MCC: variants seen among roughly 807,000 people sequenced by gnomAD.
MCC encodes the protein MCC regulator of Wnt signaling pathway.
In MCC, 90 loss-of-function variants were observed where a neutral mutation model predicts 116.2. The observed-to-expected ratio is 0.77, with a 90% CI of 0.65 to 0.92. The LOEUF is 0.92. MCC is among the 40% of genes least tolerant of loss of function. The pLI, the probability that MCC is intolerant of heterozygous loss-of-function variation, is 0.00. For missense variants in MCC, 1,516 were observed against 1,312.2 expected, an observed-to-expected ratio of 1.16 and a Z score of -2.40; for synonymous variants, 578 against 510.5, an observed-to-expected ratio of 1.13 and a Z score of -1.78.
intron 1 of MCC, among the ~76,000 whole-genome samples, chr5:113,468,981 T>C (rs1771998075): frequency 6.6e-6 from 1 of 152,324 alleles, no homozygotes; most frequent in East Asian, 1.9e-4. Flanking sequence ...GAGGTGTTTA[T>C]AGTACTCTCT....
intron 1 of MCC, among the ~76,000 whole-genome samples, chr5:113,396,330 A>C (rs1769523794): frequency 6.6e-6 from 1 of 151,974 alleles, no homozygotes; most frequent in Admixed American, 6.6e-5. Context: ...TGTCTCAAAA[A>C]CCAACAAACA....
chr5:113,185,892 C>T (rs139103176), intron 3 of MCC, among the ~76,000 whole-genome samples: 195 of 152,026 alleles, frequency 1.3e-3, no homozygotes, highest in African/African-American at 4.5e-3. Flanking sequence ...AGGAGGTCAC[C>T]CCTCCTTCAG....
intron 3 of MCC, among the ~76,000 whole-genome samples, chr5:113,333,846 T>TATATACATATGCAC (rs1469058009): frequency 3.2e-5 from 2 of 62,640 alleles, no homozygotes; most frequent in Non-Finnish European, 6.2e-5. Flanking sequence ...TATATATGTA[T>TATATACATATGCAC]ATATGTACAT....
chr5:113,091,223 T>C (rs1755614566), intron 8 of MCC, among the ~76,000 whole-genome samples: 1 of 152,192 alleles, frequency 6.6e-6, no homozygotes, highest in South Asian at 2.1e-4. Flanking sequence ...ACTGTGGGAC[T>C]CCAAACTTGA....
intron 1 of MCC, among the ~76,000 whole-genome samples, chr5:113,456,321 G>A (rs1771545247): frequency 6.6e-6 from 1 of 152,172 alleles, no homozygotes; most frequent in Non-Finnish European, 1.5e-5. Flanking sequence ...TATGGGTCGA[G>A]TATCTTTTAT....
intron 3 of MCC, among the ~76,000 whole-genome samples, chr5:113,246,476 A>C (rs1764579816): frequency 6.6e-6 from 1 of 152,170 alleles, no homozygotes; most frequent in African/African-American, 2.4e-5. Flanking sequence ...CTCTAGGGCG[A>C]GGGGTTGTGT....
At chr5:113,146,816 T>A (rs1759552946) in intron 4 of MCC, among the ~76,000 whole-genome samples, 1 of 151,990 alleles carries the variant, frequency 6.6e-6, no homozygotes, top group African/African-American at 2.4e-5. Context: ...ATGCTACTGC[T>A]TTTTTTTCTG....
At chr5:113,287,238 C>T (rs1318847557) in intron 3 of MCC, among the ~76,000 whole-genome samples, 2 of 146,584 alleles carry the variant, frequency 1.4e-5, no homozygotes, top group Non-Finnish European at 3.0e-5. Context: ...ACACAAACCC[C>T]TCCTCTCAGA....
chr5:113,294,500 G>T (rs910388825), intron 3 of MCC: 2 of 1,563,988 alleles, frequency 1.3e-6, no homozygotes, highest in South Asian at 1.2e-5. Context: ...AGTCTAGACA[G>T]CCATTTTCAC....
chr5:113,192,496 T>A (rs967115815), intron 3 of MCC, among the ~76,000 whole-genome samples: 2 of 152,246 alleles, frequency 1.3e-5, no homozygotes, highest in Non-Finnish European at 2.9e-5. Context: ...ATAATTAGCA[T>A]ATGTCTTCGT....
At chr5:113,333,352 C>T (rs531136288) in intron 3 of MCC, among the ~76,000 whole-genome samples, 2 of 151,668 alleles carry the variant, frequency 1.3e-5, no homozygotes, top group South Asian at 4.2e-4. Flanking sequence ...AGTTTTAATT[C>T]GATTTTCAAT....
chr5:113,073,131 T>C (rs557227657), intron 11 of MCC, among the ~76,000 whole-genome samples: 11 of 152,268 alleles, frequency 7.2e-5, no homozygotes, highest in African/African-American at 2.4e-4. Context: ...GTGTATTTTA[T>C]GTTTGGCCCG....
At chr5:113,306,651 C>T (rs562211667) in intron 3 of MCC, among the ~76,000 whole-genome samples, 1 of 152,032 alleles carries the variant, frequency 6.6e-6, no homozygotes, top group Non-Finnish European at 1.5e-5. Flanking sequence ...TGCAAATATT[C>T]TCTCCCATTT....
chr5:113,044,124 G>A (rs1321042552), intron 16 of MCC, among the ~76,000 whole-genome samples: 2 of 152,186 alleles, frequency 1.3e-5, no homozygotes, highest in African/African-American at 4.8e-5. Context: ...TACAAGACAA[G>A]TGAGAAATAC....
intron 3 of MCC, among the ~76,000 whole-genome samples, chr5:113,318,836 T>A (rs1261089586): frequency 3.3e-5 from 5 of 151,992 alleles, no homozygotes; most frequent in Non-Finnish European, 1.5e-5. Flanking sequence ...AAATAAAAGT[T>A]AAAAAAAATG....
intron 3 of MCC, among the ~76,000 whole-genome samples, chr5:113,276,506 T>C (rs1018529428): frequency 6.6e-6 from 1 of 152,166 alleles, no homozygotes; most frequent in Non-Finnish European, 1.5e-5. Flanking sequence ...CCTAAAGATA[T>C]TAGAAAACAC....
chr5:113,143,830 G>T (rs1043853392), intron 4 of MCC, among the ~76,000 whole-genome samples: 6 of 152,300 alleles, frequency 3.9e-5, no homozygotes, highest in Non-Finnish European at 8.8e-5. Context: ...CTTTATGGCT[G>T]TTCAGTTTCC....
At chr5:113,268,793 A>C (rs113764585) in intron 3 of MCC, among the ~76,000 whole-genome samples, 2 of 152,176 alleles carry the variant, frequency 1.3e-5, no homozygotes, top group African/African-American at 2.4e-5. Context: ...TAGTTTTAAC[A>C]AGCATCTAGA....
At chr5:113,285,834 T>A (rs1766235010) in intron 3 of MCC, among the ~76,000 whole-genome samples, 1 of 152,194 alleles carries the variant, frequency 6.6e-6, no homozygotes, top group African/African-American at 2.4e-5. Flanking sequence ...GTATCCCCAG[T>A]CTTACAATAG....
Sources: allele counts gnomAD v4.1 joint callset (sites outside exome capture counted in the v4.1 genomes callset), GRCh38; gene constraint gnomAD v4.1.1; transcripts MANE v1.5; gene names NCBI Gene and HGNC (gene_info 2026-07-23, HGNC 2026-07-21).